FKBP1A: variants seen among roughly 807,000 people sequenced by gnomAD.
FKBP1A encodes the protein peptidyl-prolyl cis-trans isomerase FKBP1A.
Under a neutral mutation model 14.2 loss-of-function variants are expected in FKBP1A, and 5 were observed. That is an observed-to-expected ratio of 0.35 (90% CI 0.18 to 0.74). FKBP1A has a LOEUF of 0.74. Among genes scored for constraint, FKBP1A ranks in the 30% least tolerant of loss-of-function variants. FKBP1A has a pLI of 0.56. For missense variants in FKBP1A, 53 were observed against 138.8 expected, an observed-to-expected ratio of 0.38 and a Z score of 3.10; for synonymous variants, 42 against 49.1, an observed-to-expected ratio of 0.86 and a Z score of 0.60.
At position 1,371,768 on chromosome 20, in the gene FKBP1A, T is replaced by G. The variant is rs565239729; in HGVS notation, c.*36+308A>C. On this transcript the variant is annotated intron_variant, in intron 4 of 4. Coordinates refer to ENST00000400137, the MANE Select transcript of FKBP1A (RefSeq NM_000801.5). Reference sequence around the variant, plus strand: ...GAACTAAAATGTTGGCACTACAAATTTGGCCTACATTTCCATAGTCCTCAA... The same window carrying G: ...GAACTAAAATGTTGGCACTACAAATGTGGCCTACATTTCCATAGTCCTCAA... 1.1e-5 allele frequency: 11 copies of G among 1,041,158 alleles called. No homozygotes were observed. In the African/African-American group the frequency reaches 1.7e-4, roughly 16 times the overall value. 64.5% of individuals were successfully genotyped at this position (1,041,158 alleles called of 1,614,324 possible). A position where few individuals can be genotyped will look rare whatever the true frequency, so the allele number is the denominator to read the frequency against.
intron 2 of FKBP1A, among the ~76,000 whole-genome samples, chr20:1,385,281 T>C (rs142364949): frequency 3.5e-4 from 53 of 152,072 alleles, no homozygotes; most frequent in African/African-American, 1.2e-3. Flanking sequence ...TCCCAGCTAC[T>C]TGGGAGGCTG....
intron 4 of FKBP1A, 141 bp downstream of exon 4, chr20:1,371,935 A>G: frequency 7.0e-7 from 1 of 1,434,752 alleles, no homozygotes; most frequent in Non-Finnish European, 9.1e-7. Context: ...ATAACACTGA[A>G]AGGATACTCA....
chr20:1,387,393 T>C (rs1797847946), intron 2 of FKBP1A, among the ~76,000 whole-genome samples: 1 of 151,908 alleles, frequency 6.6e-6, no homozygotes, highest in Non-Finnish European at 1.5e-5. Flanking sequence ...TAGGATGATA[T>C]TAGCATCAAA....
intron 2 of FKBP1A, chr20:1,391,713 G>A (rs1325256656): frequency 2.5e-6 from 1 of 394,942 alleles, no homozygotes; most frequent in Non-Finnish European, 4.5e-6. Flanking sequence ...GGCCAGAACT[G>A]CCCACAGCCT....
chr20:1,370,010 G>A lies in FKBP1A; in HGVS notation c.*99C>T, dbSNP rs1052927128. On this transcript the variant is annotated 3_prime_UTR_variant, in exon 5 of 5. Transcript: ENST00000400137. ...CTATACAAAGTGGAGTGGAACATCA[G>A]GAAAAGCTCCATATGGATTCATGTG... The A allele has an allele frequency of 6.5e-7, 1 of 1,549,848 alleles. No individual in the cohort carries two copies. The highest frequency in any genetic ancestry group is 8.7e-7 in the Non-Finnish European group (1 of 1,146,608).
intron 2 of FKBP1A, chr20:1,378,307 T>C (rs1438599837): frequency 6.6e-6 from 1 of 152,466 alleles, no homozygotes; most frequent in South Asian, 2.1e-4. Flanking sequence ...TCTGAGGTGA[T>C]TAAAAGTGTG....
At position 1,386,523 on chromosome 20, in the gene FKBP1A, T is replaced by C. The variant is rs2089670626; in HGVS notation, c.85+6311A>G. On this transcript the variant is annotated intron_variant, in intron 2 of 4. Coordinates refer to ENST00000400137, the MANE Select transcript of FKBP1A (RefSeq NM_000801.5). The surrounding 1 kb of genome is among the most constrained non-coding windows in gnomAD (Gnocchi z 4.7). ...AGCAGATGTTTAACTACACGGATCC[T>C]GACTATGATGGGGGCTAAGAAAATA... Among the ~76,000 whole-genome samples, 1 of 152,124 alleles carries C rather than the reference T, an allele frequency of 6.6e-6. No individual in the cohort carries two copies. The highest frequency in any genetic ancestry group is 1.5e-5 in the Non-Finnish European group (1 of 68,014).
intron 2 of FKBP1A, among the ~76,000 whole-genome samples, chr20:1,389,842 C>T (rs1174726383): frequency 6.6e-6 from 1 of 152,166 alleles, no homozygotes. Context: ...ATGAGAATTC[C>T]CTGGCTCCTA....
At chr20:1,370,822 A>C (rs2089453939) in intron 4 of FKBP1A, 1 of 985,408 alleles carries the variant, frequency 1.0e-6, no homozygotes, top group Non-Finnish European at 1.2e-6. Flanking sequence ...ATGTTCAAAA[A>C]ATGACTCAGC....
chr20:1,369,926 G>A lies in FKBP1A; in HGVS notation c.*183C>T. ...CACATACGAGGAGAAAGGGGAAGAG[G>A]AAACAGAGGTGTCGGAAGCAAAGCT... On this transcript the variant is annotated 3_prime_UTR_variant, in exon 5 of 5. Coordinates refer to ENST00000400137, the MANE Select transcript of FKBP1A (RefSeq NM_000801.5). The A allele has an allele frequency of 8.0e-7, 1 of 1,243,862 alleles. No homozygotes were observed. The highest frequency in any genetic ancestry group is 1.1e-6 in the Non-Finnish European group (1 of 895,800). The allele number at this position is 1,243,862 out of a possible 1,614,324, so 77.1% of individuals were successfully genotyped here. A position where few individuals can be genotyped will look rare whatever the true frequency, so the allele number is the denominator to read the frequency against.
At chr20:1,375,628 G>T in intron 2 of FKBP1A, 25 bp from the exon 3 acceptor site, 1 of 1,484,956 alleles carries the variant, frequency 6.7e-7, no homozygotes, top group Non-Finnish European at 9.4e-7. Context: ...ACTGTAACAT[G>T]AGCAGCAGAG....
chr20:1,382,859 T>C (rs1272403961), intron 2 of FKBP1A, among the ~76,000 whole-genome samples: 4 of 152,212 alleles, frequency 2.6e-5, no homozygotes, highest in South Asian at 4.1e-4. Flanking sequence ...ACTGAAATCC[T>C]TGGAAAGGGA....
At chr20:1,391,163 C>A (rs914202573) in intron 2 of FKBP1A, among the ~76,000 whole-genome samples, 6 of 152,166 alleles carry the variant, frequency 3.9e-5, no homozygotes, top group African/African-American at 1.4e-4. Context: ...TGCTGCCAAG[C>A]ACCCTAGTGT....
chr20:1,383,982 C>T (rs2089644990), intron 2 of FKBP1A, among the ~76,000 whole-genome samples: 1 of 152,182 alleles, frequency 6.6e-6, no homozygotes, highest in Non-Finnish European at 1.5e-5. Context: ...GTTTGCTTTC[C>T]CTCTTCTTAT....
intron 1 of FKBP1A, 30 bp from the exon 2 acceptor site, chr20:1,392,911 C>A: frequency 7.0e-7 from 1 of 1,421,544 alleles, no homozygotes. Context: ...CATGCTGAGC[C>A]GATGCGCGCG....
At chr20:1,376,257 G>C (rs1027633802) in intron 2 of FKBP1A, among the ~76,000 whole-genome samples, 1 of 152,230 alleles carries the variant, frequency 6.6e-6, no homozygotes, top group Admixed American at 6.5e-5. Context: ...ACACCAACAG[G>C]GAACCTGGGG....
Position 1,393,048 on chromosome 20 carries a change from C to G in FKBP1A, c.-50G>C. ...GGGCGGCGCGACGGGCGGCGTGGAC[C>G]AACAGCGACCTGGCGGCGGTTCCAC... On this transcript the variant is annotated 5_prime_UTR_variant, in exon 1 of 5. Transcript: ENST00000400137. The G allele has an allele frequency of 8.2e-7, 1 of 1,225,596 alleles. No individual in the cohort carries two copies. Among genetic ancestry groups the G allele is most frequent in the Non-Finnish European group, 1.1e-6 (1 of 910,818 alleles). The allele number at this position is 1,225,596 out of a possible 1,614,324, so 75.9% of individuals were successfully genotyped here.
Position 1,383,868 on chromosome 20 carries a change from A to G in FKBP1A, c.86-8265T>C, listed in dbSNP as rs150110626. The stretch of plus-strand genomic sequence containing the variant: ...AAAAAAAAAAAGGTGTAATGGTTGA[A>G]TGGGTGGAGGTAGGGGGAGCCAGTA... On this transcript the variant is annotated intron_variant, in intron 2 of 4. Transcript: ENST00000400137. Among the ~76,000 whole-genome samples, 249 of 151,538 alleles carry G rather than the reference A, an allele frequency of 1.6e-3. 3 individuals carry two copies. Among genetic ancestry groups the G allele is most frequent in the African/African-American group, 5.8e-3 (241 of 41,294 alleles).
chr20:1,372,633 T>C (rs537585702), intron 3 of FKBP1A, among the ~76,000 whole-genome samples: 5 of 152,322 alleles, frequency 3.3e-5, no homozygotes, highest in African/African-American at 1.2e-4. Context: ...GAAAAAGGAA[T>C]ACTCAACTTT....
Sources: gnomAD v4.1 joint callset for allele counts (sites outside exome capture counted in the v4.1 genomes callset) on GRCh38, gnomAD v4.1.1 for gene constraint, Gnocchi (gnomAD v3.1) non-coding constraint, MANE v1.5 for transcripts, NCBI Gene and HGNC (gene_info 2026-07-23, HGNC 2026-07-21) for gene names.